Variants in MME observed in about 807,000 individuals in gnomAD.
MME encodes neprilysin.
A neutral mutation model predicts 113.2 loss-of-function variants in MME; 98 were observed. That is an observed-to-expected ratio of 0.87 (90% CI 0.74 to 1.02). The LOEUF is 1.02. Among genes scored for constraint, MME ranks in the 50% least tolerant of loss-of-function variants. MME has a pLI of 0.00. For synonymous variants in MME, 292 were observed against 300.6 expected (o/e 0.97, Z 0.30); for missense variants, 836 against 896.0 (o/e 0.93, Z 0.86).
chr3:155,136,608 G>A (rs1434721472), intron 8 of MME, among the ~76,000 whole-genome samples: 1 of 152,086 alleles, frequency 6.6e-6, no homozygotes, highest in Non-Finnish European at 1.5e-5. Flanking sequence ...TAAACCTCTG[G>A]ACTTACAAAT....
chr3:155,084,488 T>A, intron 2 of MME, 161 bp downstream of exon 2: 1 of 755,026 alleles, frequency 1.3e-6, no homozygotes, highest in Non-Finnish European at 2.2e-6. Context: ...TCAAAATAAT[T>A]AACTTTGAAG....
chr3:155,065,076 A>G (rs1054757706), intron 1 of MME, among the ~76,000 whole-genome samples: 1 of 152,146 alleles, frequency 6.6e-6, no homozygotes, highest in African/African-American at 2.4e-5. Context: ...ATCTGTGACA[A>G]TCCTGTTTCC....
chr3:155,115,310 A>G (rs1008606373), intron 4 of MME, among the ~76,000 whole-genome samples, 155 bp downstream of exon 4: 1 of 152,246 alleles, frequency 6.6e-6, no homozygotes, highest in South Asian at 2.1e-4. Context: ...TCACTCTGAT[A>G]GTGGCAGACA....
chr3:155,124,421 T>A (rs1719418772), intron 8 of MME, among the ~76,000 whole-genome samples: 1 of 151,700 alleles, frequency 6.6e-6, no homozygotes, highest in Admixed American at 6.6e-5. Context: ...TCTCAGCTCG[T>A]CAAAGTCATT....
intron 22 of MME, among the ~76,000 whole-genome samples, chr3:155,177,405 C>T (rs1712648321): frequency 6.6e-6 from 1 of 152,170 alleles, no homozygotes; most frequent in Admixed American, 6.5e-5. Flanking sequence ...AAGCTCCTCT[C>T]TAACATAAAG....
chr3:155,108,563 T>C (rs1465792329), intron 3 of MME, among the ~76,000 whole-genome samples: 1 of 150,716 alleles, frequency 6.6e-6, no homozygotes, highest in Non-Finnish European at 1.5e-5. Flanking sequence ...GCCATTGCAC[T>C]GCAGCCTGGG....
chr3:155,034,336 T>A (rs1713064290), intron 1 of MME, among the ~76,000 whole-genome samples: 4 of 152,190 alleles, frequency 2.6e-5, no homozygotes, highest in Admixed American at 2.6e-4. Flanking sequence ...CCTCCAAGTA[T>A]GCTTTTTCTG....
At chr3:155,031,872 C>T (rs554609246) in intron 1 of MME, among the ~76,000 whole-genome samples, 121 of 152,256 alleles carry the variant, frequency 7.9e-4, no homozygotes, top group Middle Eastern at 3.4e-3. Context: ...TTTGGCAGGC[C>T]GGTCTCGAAT....
Position 155,181,602 on chromosome 3 carries a change from CTG to C in MME, c.*1146_*1147del, listed in dbSNP as rs1344879669. 2 of 152,122 alleles carry C rather than the reference CTG, an allele frequency of 1.3e-5. No individual in the cohort carries two copies. The highest frequency in any genetic ancestry group is 1.3e-4 in the Admixed American group (2 of 15,252). 9.4% of individuals were successfully genotyped at this position (152,122 alleles called of 1,614,324 possible). ...ATTGTGAACTCATTGCTCCCTAAGACTGTGACAACTGTCTAACTTTAGAAGTG... is the reference window on the plus strand; with the variant it reads ...ATTGTGAACTCATTGCTCCCTAAGACTGACAACTGTCTAACTTTAGAAGTG... On this transcript the variant is annotated 3_prime_UTR_variant, in exon 23 of 23. Coordinates refer to ENST00000360490, the MANE Select transcript of MME (RefSeq NM_007289.4).
At chr3:155,116,058 C>T (rs1201154383) in intron 4 of MME, among the ~76,000 whole-genome samples, 3 of 151,862 alleles carry the variant, frequency 2.0e-5, no homozygotes, top group South Asian at 4.1e-4. Context: ...TACAGTCACA[C>T]AAAGATAATT....
chr3:155,150,610 T>C (rs2108329834), intron 16 of MME, among the ~76,000 whole-genome samples: 1 of 152,242 alleles, frequency 6.6e-6, no homozygotes, highest in Non-Finnish European at 1.5e-5. Flanking sequence ...GGGGAACATT[T>C]TAAAAAACAC....
intron 1 of MME, among the ~76,000 whole-genome samples, chr3:155,045,503 G>T (rs77382609): frequency 0.043 from 6,555 of 151,076 alleles, 159 homozygotes; most frequent in African/African-American, 0.052. Context: ...TTGTGGTTTG[G>T]ATCTTTCAAA....
chr3:155,172,419 A>T, intron 21 of MME, 117 bp from the exon 22 acceptor site: 1 of 890,298 alleles, frequency 1.1e-6, no homozygotes, highest in East Asian at 2.5e-5. Flanking sequence ...TGAAGAGCGA[A>T]TGGTTGAGGA....
chr3:155,124,206 C>T (rs1400169629), intron 8 of MME, among the ~76,000 whole-genome samples: 10 of 151,428 alleles, frequency 6.6e-5, no homozygotes, highest in African/African-American at 2.4e-4. Context: ...TCCAGTTGAT[C>T]GCATCAGCTC....
At chr3:155,167,430 C>T (rs1370377252) in intron 18 of MME, among the ~76,000 whole-genome samples, 2 of 151,110 alleles carry the variant, frequency 1.3e-5, no homozygotes, top group African/African-American at 4.9e-5. Flanking sequence ...GACTCTTAAG[C>T]TGCTTAAGAG....
chr3:155,042,919 T>TATATATATATATATAC, intron 1 of MME, among the ~76,000 whole-genome samples: 1 of 57,214 alleles, frequency 1.7e-5, no homozygotes, highest in Admixed American at 2.3e-4. Context: ...TATATATATA[T>TATATATATATATATAC]ATATATATAT....
intron 16 of MME, among the ~76,000 whole-genome samples, chr3:155,149,665 G>A (rs999474681): frequency 3.9e-5 from 6 of 151,900 alleles, no homozygotes; most frequent in Admixed American, 1.3e-4. Context: ...GGGAAATGTC[G>A]TGCCAAGCAA....
chr3:155,104,096 G>T (rs1229747963), intron 3 of MME, among the ~76,000 whole-genome samples: 1 of 152,130 alleles, frequency 6.6e-6, no homozygotes, highest in African/African-American at 2.4e-5. Context: ...CATTATAAAA[G>T]AAATGGTCTT....
At chr3:155,142,798 A>G (rs1292687059) in intron 12 of MME, among the ~76,000 whole-genome samples, 2 of 152,132 alleles carry the variant, frequency 1.3e-5, no homozygotes, top group African/African-American at 2.4e-5. Flanking sequence ...TATTTAAACA[A>G]TCACTGTTTT....
Sources: gnomAD v4.1 joint callset for allele counts (sites outside exome capture counted in the v4.1 genomes callset) on GRCh38, gnomAD v4.1.1 for gene constraint, MANE v1.5 for transcripts, NCBI Gene and HGNC (gene_info 2026-07-23, HGNC 2026-07-21) for gene names.